RCAN2: variants seen among roughly 807,000 people sequenced by gnomAD.
The protein encoded by RCAN2 is regulator of calcineurin 2.
Under a neutral mutation model 23.6 loss-of-function variants are expected in RCAN2, and 9 were observed. The ratio of observed to expected loss-of-function variants is 0.38; its 90% confidence interval spans 0.23 to 0.67. The LOEUF is 0.67. RCAN2 is among the 30% of genes least tolerant of loss of function. RCAN2 has a pLI of 0.51. For synonymous variants in RCAN2, 109 were observed against 115.7 expected (o/e 0.94, Z 0.37); for missense variants, 273 against 302.3 (o/e 0.90, Z 0.72).
At chr6:46,360,950 T>C (rs1361965641) in intron 2 of RCAN2, among the ~76,000 whole-genome samples, 1 of 152,230 alleles carries the variant, frequency 6.6e-6, no homozygotes, top group African/African-American at 2.4e-5. Flanking sequence ...GCCTTCTCCC[T>C]ACCCCCATGT....
intron 2 of RCAN2, among the ~76,000 whole-genome samples, chr6:46,263,503 ATG>A (rs879389951): frequency 0.09 from 6,315 of 70,490 alleles, 155 homozygotes; most frequent in Non-Finnish European, 0.098. Context: ...GTATGTGTGT[ATG>A]TGTGTGTATG....
At chr6:46,325,523 T>G in intron 2 of RCAN2, 1 of 1,611,588 alleles carries the variant, frequency 6.2e-7, no homozygotes, top group African/African-American at 1.3e-5. Context: ...AACCTCAGAG[T>G]TGGGAGTGAA....
chr6:46,243,223 G>T (rs983335288), intron 4 of RCAN2, among the ~76,000 whole-genome samples: 1 of 152,160 alleles, frequency 6.6e-6, no homozygotes. Flanking sequence ...CAACTCAATT[G>T]TTGGACGCAA....
intron 2 of RCAN2, among the ~76,000 whole-genome samples, chr6:46,303,993 T>C (rs1471723696): frequency 7.9e-5 from 12 of 152,102 alleles, no homozygotes; most frequent in Admixed American, 6.6e-4. Flanking sequence ...ACAGTAGATA[T>C]AGATTTAGGC....
chr6:46,224,190 C>T (rs541487119), intron 4 of RCAN2, among the ~76,000 whole-genome samples: 5 of 152,244 alleles, frequency 3.3e-5, no homozygotes, highest in African/African-American at 1.2e-4. Flanking sequence ...AGCGGAAGGA[C>T]TCCAGGTGGT....
intron 2 of RCAN2, among the ~76,000 whole-genome samples, chr6:46,331,669 AT>A (rs944607919): frequency 6.3e-4 from 96 of 152,350 alleles, no homozygotes; most frequent in African/African-American, 2.2e-3. Flanking sequence ...ATTTCAACAT[AT>A]TTTAAGATAT....
At chr6:46,327,789 C>T (rs1314646756) in intron 2 of RCAN2, among the ~76,000 whole-genome samples, 2 of 152,190 alleles carry the variant, frequency 1.3e-5, no homozygotes, top group Non-Finnish European at 2.9e-5. Flanking sequence ...TGTAAATATG[C>T]TCATCATGGC....
In RCAN2 at chr6:46,222,403, C is replaced by G. The variant is rs1049104509; in HGVS notation, c.*738G>C. On this transcript the variant is annotated 3_prime_UTR_variant, in exon 5 of 5. Transcript: ENST00000371374. ...ATCAGTCTCTATCACCCTGGACAAG[C>G]CTCCCCAACGAGGCTGGGAGAGTTC... 6.4e-6 allele frequency: 1 copy of G among 155,744 alleles called. No individual in the cohort carries two copies. The highest frequency in any genetic ancestry group is 1.4e-5 in the Non-Finnish European group (1 of 70,254). The allele number at this position is 155,744 out of a possible 1,614,324, so 9.6% of individuals were successfully genotyped here.
chr6:46,346,049 T>G (rs1476568376), intron 2 of RCAN2, among the ~76,000 whole-genome samples: 2 of 152,184 alleles, frequency 1.3e-5, no homozygotes, highest in African/African-American at 4.8e-5. Flanking sequence ...TTTGAATAAC[T>G]GCTGATACAG....
intron 2 of RCAN2, among the ~76,000 whole-genome samples, chr6:46,326,936 T>C (rs1284509168): frequency 1.3e-5 from 2 of 152,240 alleles, no homozygotes; most frequent in Non-Finnish European, 2.9e-5. Flanking sequence ...TATGGATATT[T>C]AGACTGATGA....
At chr6:46,250,281 T>C (rs1455136244) in intron 2 of RCAN2, among the ~76,000 whole-genome samples, 1 of 152,222 alleles carries the variant, frequency 6.6e-6, no homozygotes, top group Non-Finnish European at 1.5e-5. Flanking sequence ...CTGTCTGATC[T>C]GTCTGGTTCC....
At chr6:46,231,654 C>T (rs1304153211) in intron 4 of RCAN2, among the ~76,000 whole-genome samples, 1 of 152,174 alleles carries the variant, frequency 6.6e-6, no homozygotes. Flanking sequence ...AGGTGATCCA[C>T]CCGCCTTGGC....
intron 2 of RCAN2, among the ~76,000 whole-genome samples, chr6:46,281,686 T>G (rs1767926543): frequency 6.6e-6 from 1 of 152,226 alleles, no homozygotes; most frequent in South Asian, 2.1e-4. Flanking sequence ...TTTGTTATTT[T>G]TCTTTTTATT....
At position 46,269,373 on chromosome 6, in the gene RCAN2, ATC is replaced by A. The variant is rs1767447281; in HGVS notation, c.226-20479_226-20478del. Among the ~76,000 whole-genome samples, 2 of 152,150 alleles carry A rather than the reference ATC, an allele frequency of 1.3e-5. 1 individual carries two copies. Among genetic ancestry groups the A allele is most frequent in the Admixed American group, 1.3e-4 (2 of 15,264 alleles). On this transcript the variant is annotated intron_variant, in intron 2 of 4. Transcript: ENST00000371374. The stretch of plus-strand genomic sequence containing the variant: ...AGCACAGGGACGCTTATTTTGTTAT[ATC>A]TCTCTTTTTCACAGCAGCTGTGTTC...
At chr6:46,477,618 T>C (rs1768750802) in intron 1 of RCAN2, among the ~76,000 whole-genome samples, 1 of 152,218 alleles carries the variant, frequency 6.6e-6, no homozygotes, top group African/African-American at 2.4e-5. Context: ...AAGTTACCTA[T>C]TAATACAAAT....
In RCAN2 at chr6:46,221,194, A is replaced by C. The variant is rs1765464434; in HGVS notation, c.*1947T>G. 1 of 152,390 alleles carries C rather than the reference A, an allele frequency of 6.6e-6. No individual in the cohort carries two copies. Among genetic ancestry groups the C allele is most frequent in the Non-Finnish European group, 1.5e-5 (1 of 68,040 alleles). The allele number at this position is 152,390 out of a possible 1,614,324, so 9.4% of individuals were successfully genotyped here. A position where few individuals can be genotyped will look rare whatever the true frequency, so the allele number is the denominator to read the frequency against. On this transcript the variant is annotated 3_prime_UTR_variant, in exon 5 of 5. Coordinates refer to ENST00000371374, the MANE Select transcript of RCAN2 (RefSeq NM_001251974.2). Reference sequence around the variant, plus strand: ...ATGTGTCTTTTAAAAAACATTTAAAAATCATTTTCAAATACTTTCTCTCAT... The same window carrying C: ...ATGTGTCTTTTAAAAAACATTTAAACATCATTTTCAAATACTTTCTCTCAT...
chr6:46,462,662 C>G (rs1036651504), intron 1 of RCAN2, among the ~76,000 whole-genome samples: 1 of 152,166 alleles, frequency 6.6e-6, no homozygotes, highest in African/African-American at 2.4e-5. Context: ...ATGTTAGAGA[C>G]ATTACTGGCT....
intron 2 of RCAN2, among the ~76,000 whole-genome samples, chr6:46,275,010 C>T (rs9463196): frequency 0.78 from 119,418 of 152,130 alleles, 47,182 homozygotes; most frequent in Non-Finnish European, 0.83. Context: ...GTGGCGGATA[C>T]TGATTGGCTA....
At chr6:46,396,480 T>C (rs1473558856) in intron 2 of RCAN2, among the ~76,000 whole-genome samples, 2 of 152,174 alleles carry the variant, frequency 1.3e-5, no homozygotes. Flanking sequence ...GACCCTACCA[T>C]TCGCTGGCAC....
Sources: allele counts gnomAD v4.1 joint callset (sites outside exome capture counted in the v4.1 genomes callset), GRCh38; gene constraint gnomAD v4.1.1; transcripts MANE v1.5; gene names NCBI Gene and HGNC (gene_info 2026-07-23, HGNC 2026-07-21).